Variants in SMCO3 observed in about 807,000 individuals in gnomAD.
SMCO3 encodes the protein single-pass membrane protein with coiled-coil domains 3, also known as single-pass membrane and coiled-coil domain-containing protein 3.
A neutral mutation model predicts 12.0 loss-of-function variants in SMCO3; 6 were observed. The observed-to-expected ratio is 0.50, with a 90% CI of 0.27 to 0.99. The LOEUF (loss-of-function observed/expected upper bound fraction) is 0.99, where lower values mean the gene tolerates loss of function less well. SMCO3 is among the 50% of genes least tolerant of loss of function. The pLI is 0.11. For synonymous variants in SMCO3, 96 were observed against 96.4 expected (o/e 1.00, Z 0.02); for missense variants, 279 against 265.0 (o/e 1.05, Z -0.37).
Position 14,806,212 on chromosome 12 carries a change from C to A in SMCO3, c.469G>T (p.Ala157Ser). 6.2e-7 allele frequency: 1 copy of A among 1,614,164 alleles called. No homozygotes were observed. The highest frequency in any genetic ancestry group is 1.1e-5 in the South Asian group (1 of 91,090). The change falls in exon 2 of 2, where the codon GCT becomes TCT. Residue 157 changes from alanine to serine, a missense_variant. Physicochemically the swap from Ala to Ser is moderately conservative, Grantham distance 99. Coordinates refer to ENST00000316048, the MANE Select transcript of SMCO3 (RefSeq NM_001013698.2). ...KLVTVLAQIG[A>S]SLLGSIGVAV... ...ACTCCAATACTACCAAGGAGAGAAG[C>A]ACCAATTTGAGCTAACACAGTGACC...
intron 1 of SMCO3, among the ~76,000 whole-genome samples, chr12:14,813,662 T>C (rs1411040812): frequency 1.3e-5 from 2 of 152,158 alleles, no homozygotes. Context: ...CTCAGAGATA[T>C]TTAGATACAA....
At chr12:14,807,323 T>A (rs1221320084) in intron 1 of SMCO3, among the ~76,000 whole-genome samples, 2 of 152,198 alleles carry the variant, frequency 1.3e-5, no homozygotes, top group African/African-American at 4.8e-5. Flanking sequence ...TTAATAACTT[T>A]TATTTGAAAC....
In SMCO3 at chr12:14,805,126, A is replaced by G. The variant is rs547048566; in HGVS notation, c.*877T>C. The G allele has an allele frequency of 1.3e-5, 2 of 152,238 alleles. No homozygotes were observed. The highest frequency in any genetic ancestry group is 4.8e-5 in the African/African-American group (2 of 41,542). 9.4% of individuals were successfully genotyped at this position (152,238 alleles called of 1,614,324 possible). On this transcript the variant is annotated 3_prime_UTR_variant, in exon 2 of 2. Transcript: ENST00000316048. ...CAAAGGCAGCTGCCTCCTTTTTGCT[A>G]GTGTTGAAAATGAAATTATATTCTT...
intron 1 of SMCO3, among the ~76,000 whole-genome samples, chr12:14,811,345 G>A (rs1389293212): frequency 6.6e-6 from 1 of 152,064 alleles, no homozygotes; most frequent in Non-Finnish European, 1.5e-5. Flanking sequence ...GGCCTTTGCT[G>A]GACTGGAGCA....
chr12:14,807,719 G>A (rs563791314), intron 1 of SMCO3, among the ~76,000 whole-genome samples: 1 of 152,126 alleles, frequency 6.6e-6, no homozygotes, highest in Admixed American at 6.5e-5. Flanking sequence ...ACTATACAGG[G>A]CACAGTGTTA....
rs370155859 is a variant in SMCO3, at chr12:14,806,690, A to G, written c.-10T>C. The G allele has an allele frequency of 4.6e-5, 72 of 1,564,212 alleles. No homozygotes were observed. Among genetic ancestry groups the G allele is most frequent in the Non-Finnish European group, 6.0e-5 (70 of 1,159,788 alleles). On this transcript the variant is annotated 5_prime_UTR_variant, in exon 2 of 2. Transcript: ENST00000316048. ...AGTCACTTTGGGCCATATTTCCAAT[A>G]TGATCGCTGAAAAATAAAATGGTAA...
rs778765854 is a variant in SMCO3, at chr12:14,806,312, T to A, written c.369A>T (p.Glu123Asp). The A allele has an allele frequency of 1.9e-6, 3 of 1,614,254 alleles. No individual in the cohort carries two copies. In the South Asian group the frequency reaches 3.3e-5, roughly 18 times the overall value. The change falls in exon 2 of 2, where the codon GAA becomes GAT. Residue 123 changes from glutamate (E) to aspartate (D), a missense_variant. Coordinates refer to ENST00000316048, the MANE Select transcript of SMCO3 (RefSeq NM_001013698.2). ...CGACTGCACTGGCTGCAGATGTAGC[T>A]TCTCCCAGGATGACCGAAATAACCT... Reference protein sequence around the residue: ...VQKVISVILGEATSAASAVAV... With the variant: ...VQKVISVILGDATSAASAVAV...
chr12:14,807,885 G>A (rs926252984), intron 1 of SMCO3, among the ~76,000 whole-genome samples: 4 of 152,158 alleles, frequency 2.6e-5, no homozygotes, highest in African/African-American at 9.7e-5. Flanking sequence ...AGAATAAGGG[G>A]CCGGGCATGG....
chr12:14,806,733 T>TA (rs1950058408), intron 1 of SMCO3, 37 bp from the exon 2 acceptor site: 1 of 1,518,278 alleles, frequency 6.6e-7, no homozygotes, highest in African/African-American at 1.4e-5. Flanking sequence ...CTGAAAGTCT[T>TA]AAAAAATGTC....
chr12:14,812,276 CTACTAAAAA>C (rs1351353597), intron 1 of SMCO3, among the ~76,000 whole-genome samples: 1 of 152,098 alleles, frequency 6.6e-6, no homozygotes, highest in African/African-American at 2.4e-5. Flanking sequence ...AACCCCGTCT[CTACTAAAAA>C]TACAAAAAAT....
Position 14,805,922 on chromosome 12 carries a change from A to G in SMCO3, c.*81T>C, listed in dbSNP as rs1446492151. The G allele has an allele frequency of 7.3e-7, 1 of 1,377,982 alleles. No individual in the cohort carries two copies. Among genetic ancestry groups the G allele is most frequent in the East Asian group, 2.3e-5 (1 of 43,516 alleles). 85.4% of individuals were successfully genotyped at this position (1,377,982 alleles called of 1,614,324 possible). A position where few individuals can be genotyped will look rare whatever the true frequency, so the allele number is the denominator to read the frequency against. On this transcript the variant is annotated 3_prime_UTR_variant, in exon 2 of 2. Transcript: ENST00000316048. ...TTAAGTCCATATTGGAAGCCTATAGAAAATGAACCTAATCAAAGAAGCAAA... is the reference window on the plus strand; with the variant it reads ...TTAAGTCCATATTGGAAGCCTATAGGAAATGAACCTAATCAAAGAAGCAAA...
chr12:14,809,741 G>T (rs1012954468), intron 1 of SMCO3, among the ~76,000 whole-genome samples: 1 of 151,954 alleles, frequency 6.6e-6, no homozygotes, highest in Non-Finnish European at 1.5e-5. Flanking sequence ...GCAAAAATTT[G>T]ACTAACAAAG....
At chr12:14,813,461 A>G (rs1008405826) in intron 1 of SMCO3, among the ~76,000 whole-genome samples, 1 of 152,234 alleles carries the variant, frequency 6.6e-6, no homozygotes, top group Non-Finnish European at 1.5e-5. Context: ...TCATGATGTG[A>G]TGATATACTT....
chr12:14,812,884 CCAGT>C (rs1225329313), intron 1 of SMCO3, among the ~76,000 whole-genome samples: 1 of 151,954 alleles, frequency 6.6e-6, no homozygotes, highest in African/African-American at 2.4e-5. Flanking sequence ...GGTATATTTC[CCAGT>C]CAAAGATGGT....
intron 1 of SMCO3, among the ~76,000 whole-genome samples, chr12:14,811,178 A>T (rs942100615): frequency 6.6e-6 from 1 of 152,204 alleles, no homozygotes; most frequent in Non-Finnish European, 1.5e-5. Context: ...CCACTTGGGG[A>T]ATTACCATCC....
intron 1 of SMCO3, among the ~76,000 whole-genome samples, chr12:14,808,853 CT>C (rs1950094775): frequency 6.6e-6 from 1 of 152,200 alleles, no homozygotes; most frequent in Non-Finnish European, 1.5e-5. Context: ...AGAAAATTTC[CT>C]AATCCAATTC....
At chr12:14,807,793 CTAAA>C (rs1323196241) in intron 1 of SMCO3, among the ~76,000 whole-genome samples, 8 of 152,038 alleles carry the variant, frequency 5.3e-5, no homozygotes, top group African/African-American at 1.4e-4. Flanking sequence ...TTAGAATAGT[CTAAA>C]TAGTATCGCA....
At chr12:14,809,528 T>C (rs991112515) in intron 1 of SMCO3, among the ~76,000 whole-genome samples, 1 of 152,312 alleles carries the variant, frequency 6.6e-6, no homozygotes, top group Non-Finnish European at 1.5e-5. Context: ...AATTGTAGAA[T>C]CTCAAATCAA....
chr12:14,810,970 C>A (rs1027908535), intron 1 of SMCO3, among the ~76,000 whole-genome samples: 1 of 152,094 alleles, frequency 6.6e-6, no homozygotes, highest in African/African-American at 2.4e-5. Context: ...ATATTGTGCC[C>A]GAGAGGAGTT....
Sources: gnomAD v4.1 joint callset for allele counts (sites outside exome capture counted in the v4.1 genomes callset) on GRCh38, gnomAD v4.1.1 for gene constraint, MANE v1.5 for transcripts, NCBI Gene and HGNC (gene_info 2026-07-23, HGNC 2026-07-21) for gene names.